Variants in TRPV1 observed in about 807,000 individuals in gnomAD.
The protein encoded by TRPV1 is transient receptor potential cation channel subfamily V member 1.
Under a neutral mutation model 82.3 loss-of-function variants are expected in TRPV1, and 82 were observed. That is an observed-to-expected ratio of 1.00 (90% CI 0.83 to 1.20). The LOEUF is 1.20. Among genes scored for constraint, TRPV1 ranks in the 50% most tolerant of loss-of-function variants. TRPV1 has a pLI of 0.00. For synonymous variants in TRPV1, 515 were observed against 467.7 expected, an observed-to-expected ratio of 1.10 and a Z score of -1.30; for missense variants, 1,067 against 1,096.8, an observed-to-expected ratio of 0.97 and a Z score of 0.38.
chr17:3,597,476 T>A lies in TRPV1; in HGVS notation c.-33-5093A>T, dbSNP rs368100165. 3.7e-4 allele frequency among the ~76,000 whole-genome samples: 56 copies of A among 152,268 alleles called. No homozygotes were observed. In the East Asian group the frequency reaches 8.3e-3, roughly 23 times the overall value. On this transcript the variant is annotated intron_variant, in intron 2 of 16. Coordinates refer to ENST00000572705, the MANE Select transcript of TRPV1 (RefSeq NM_080704.4). The stretch of plus-strand genomic sequence containing the variant: ...CCGCCACACAGTACTGGCCTGGCAT[T>A]AGGGACTTGTTTTGAGAGTCCGAGC...
intron 10 of TRPV1, among the ~76,000 whole-genome samples, chr17:3,581,406 C>A (rs1279436808): frequency 6.6e-6 from 1 of 152,198 alleles, no homozygotes; most frequent in African/African-American, 2.4e-5. Flanking sequence ...GCCAATCCTG[C>A]TTTTGCCATT....
At chr17:3,572,344 C>G in intron 14 of TRPV1, 95 bp from the exon 15 acceptor site, 1 of 1,465,120 alleles carries the variant, frequency 6.8e-7, no homozygotes, top group Non-Finnish European at 9.2e-7. Flanking sequence ...AGGGGCTCTC[C>G]CAGGCCTAGA....
chr17:3,571,476 T>C, intron 16 of TRPV1, 48 bp downstream of exon 16: 1 of 1,456,916 alleles, frequency 6.9e-7, no homozygotes, highest in Non-Finnish European at 9.4e-7. Flanking sequence ...CTGCCCAACA[T>C]CAGGCCACCA....
chr17:3,576,668 A>AAAAAAAAAAAAAAAAAAAAAT, intron 13 of TRPV1, among the ~76,000 whole-genome samples: 1 of 38,426 alleles, frequency 2.6e-5, no homozygotes, highest in East Asian at 1.7e-3. Context: ...AAAAAAAAAA[A>AAAAAAAAAAAAAAAAAAAAAT]ATATATATAT....
chr17:3,583,551 A>G, intron 9 of TRPV1, 121 bp from the exon 10 acceptor site: 1 of 825,322 alleles, frequency 1.2e-6, no homozygotes, highest in Non-Finnish European at 1.9e-6. Context: ...GGGGAAGGAC[A>G]CACAAAGACA....
chr17:3,601,020 C>T lies in TRPV1; in HGVS notation c.-34+7407G>A, dbSNP rs758252341. Reference sequence around the variant, plus strand: ...TGAATCTGCAGGTGAAGCCCACAAGCCCCCTCCCCCCAGCATAACCCACAA... The same window carrying T: ...TGAATCTGCAGGTGAAGCCCACAAGTCCCCTCCCCCCAGCATAACCCACAA... On this transcript the variant is annotated intron_variant, in intron 2 of 16. Transcript: ENST00000572705. Among the ~76,000 whole-genome samples the T allele has an allele frequency of 3.3e-5, 5 of 152,014 alleles. No individual in the cohort carries two copies. The South Asian group carries it at 8.3e-4, about 25-fold the overall frequency.
intron 9 of TRPV1, among the ~76,000 whole-genome samples, chr17:3,584,402 C>CAAGAAAAA (rs2075057678): frequency 2.4e-4 from 4 of 16,746 alleles, no homozygotes; most frequent in African/African-American, 9.3e-4. Flanking sequence ...GACTCTGTCT[C>CAAGAAAAA]AAAAAAAAAA....
intron 16 of TRPV1, among the ~76,000 whole-genome samples, chr17:3,570,153 G>A (rs1214836787): frequency 6.6e-6 from 1 of 152,092 alleles, no homozygotes; most frequent in Admixed American, 6.6e-5. Flanking sequence ...ACTTTGGGAT[G>A]ACCTGAGGTC....
rs1245997195 is a variant in TRPV1 at position 3,592,399 on chromosome 17, C to T, written c.-33-16G>A. Reference sequence around the variant, plus strand: ...AGTGTGCAACCTGCAGCAGCCACCACGCCGGGGTTGACTCCCAAAGTAAGG... The same window carrying T: ...AGTGTGCAACCTGCAGCAGCCACCATGCCGGGGTTGACTCCCAAAGTAAGG... On this transcript the variant is annotated splice_polypyrimidine_tract_variant and intron_variant, in intron 2 of 16. Transcript: ENST00000572705. 9.1e-6 allele frequency: 14 copies of T among 1,532,416 alleles called. No individual in the cohort carries two copies. Among genetic ancestry groups the T allele is most frequent in the African/African-American group, 2.7e-5 (2 of 73,162 alleles). 94.9% of individuals were successfully genotyped at this position (1,532,416 alleles called of 1,614,324 possible).
intron 2 of TRPV1, among the ~76,000 whole-genome samples, chr17:3,595,509 T>G (rs1238454316): frequency 6.6e-6 from 1 of 152,102 alleles, no homozygotes; most frequent in African/African-American, 2.4e-5. Flanking sequence ...GAAGCACCTC[T>G]CGCTCAAACA....
intron 11 of TRPV1, among the ~76,000 whole-genome samples, chr17:3,579,139 C>G (rs2074973202): frequency 6.6e-6 from 1 of 152,116 alleles, no homozygotes; most frequent in Admixed American, 6.6e-5. Flanking sequence ...ACAATATACC[C>G]ACCTAACAAA....
intron 2 of TRPV1, 157 bp downstream of exon 2, chr17:3,608,268 TCA>T (rs1567679086): frequency 6.6e-6 from 1 of 151,920 alleles, no homozygotes; most frequent in Non-Finnish European, 1.5e-5. Context: ...CTTTAGAATT[TCA>T]CAGATAGAAG....
In TRPV1 at chr17:3,588,296, C is replaced by G. The variant is rs1174640154; in HGVS notation, c.1116G>C (p.Glu372Asp). 2 of 1,574,686 alleles carry G rather than the reference C, an allele frequency of 1.3e-6. No individual in the cohort carries two copies. The highest frequency in any genetic ancestry group is 1.4e-5 in the African/African-American group (1 of 73,956). ...AGGAGTGCACGGGCCCGTAGGCCCACTCGGTGAACTTCCTGGACAGGTGCC... is the reference window on the plus strand; with the variant it reads ...AGGAGTGCACGGGCCCGTAGGCCCAGTCGGTGAACTTCCTGGACAGGTGCC... ...ECRHLSRKFT[E>D]WAYGPVHSSL... Residue 372 changes from glutamate (E) to aspartate (D), a missense_variant, in exon 8 of 17, where the codon GAG becomes GAC. Coordinates refer to ENST00000572705, the MANE Select transcript of TRPV1 (RefSeq NM_080704.4).
rs199730937 is a variant in TRPV1, at chr17:3,589,792, G to A, written c.1044+15C>T. On this transcript the variant is annotated intron_variant, in intron 7 of 16. Coordinates refer to ENST00000572705, the MANE Select transcript of TRPV1 (RefSeq NM_080704.4). Reference sequence around the variant, plus strand: ...GCCCCGCACCGCACCAGCCTGAGCCGAAGCCCCCTCTTACCCCGATCTTCC... The same window carrying A: ...GCCCCGCACCGCACCAGCCTGAGCCAAAGCCCCCTCTTACCCCGATCTTCC... 42 of 1,600,392 alleles carry A rather than the reference G, an allele frequency of 2.6e-5. No individual in the cohort carries two copies. Among genetic ancestry groups the A allele is most frequent in the Admixed American group, 5.1e-5 (3 of 59,372 alleles).
chr17:3,577,178 G>A lies in TRPV1; in HGVS notation c.1728C>T (p.Asp576=), dbSNP rs1365326778. 3.2e-6 allele frequency: 5 copies of A among 1,583,010 alleles called. No homozygotes were observed. The highest frequency in any genetic ancestry group is 2.3e-5 in the South Asian group (2 of 86,136). Residue 576 remains aspartate (D), a synonymous_variant, in exon 13 of 17, where the codon GAC becomes GAT. Coordinates refer to ENST00000572705, the MANE Select transcript of TRPV1 (RefSeq NM_080704.4). ...TGTAGACAAACATGAAACGGCACAG[G>A]TCTCTCAGGATCATCTGCAGGAGAC... ...AVMIEKMILR[D]LCRFMFVYIV... is the part of the protein sequence containing the mutation.
chr17:3,599,214 C>T (rs922392643), intron 2 of TRPV1, among the ~76,000 whole-genome samples: 6 of 151,804 alleles, frequency 4.0e-5, no homozygotes, highest in African/African-American at 1.5e-4. Flanking sequence ...ACTCCAGCCT[C>T]GGCAACAAGA....
At chr17:3,601,191 C>T (rs902596982) in intron 2 of TRPV1, among the ~76,000 whole-genome samples, 6 of 152,142 alleles carry the variant, frequency 3.9e-5, no homozygotes, top group Admixed American at 1.3e-4. Context: ...TGGGCTGTTT[C>T]TGTGGCTTCC....
At chr17:3,572,347 G>A (rs1467492569) in intron 14 of TRPV1, 98 bp from the exon 15 acceptor site, 3 of 1,437,538 alleles carry the variant, frequency 2.1e-6, no homozygotes, top group Admixed American at 4.2e-5. Context: ...GGCTCTCCCA[G>A]GCCTAGATGC....
chr17:3,576,599 C>T (rs1461721476), intron 13 of TRPV1, among the ~76,000 whole-genome samples: 1 of 147,754 alleles, frequency 6.8e-6, no homozygotes, highest in East Asian at 2.0e-4. Flanking sequence ...CTCCAGTGAG[C>T]CGAGATCGCG....
Sources: allele counts gnomAD v4.1 joint callset (sites outside exome capture counted in the v4.1 genomes callset), GRCh38; gene constraint gnomAD v4.1.1; transcripts MANE v1.5; gene names NCBI Gene and HGNC (gene_info 2026-07-23, HGNC 2026-07-21).